Variants in TMEM132D observed in about 807,000 individuals in gnomAD.
TMEM132D encodes the protein transmembrane protein 132D.
A neutral mutation model predicts 62.3 loss-of-function variants in TMEM132D; 21 were observed. The observed-to-expected ratio is 0.34, with a 90% CI of 0.24 to 0.49. The LOEUF (loss-of-function observed/expected upper bound fraction) is 0.49, where lower values mean the gene tolerates loss of function less well. Ranked by LOEUF, TMEM132D falls within the 20% of genes least tolerant of loss-of-function variation. The probability of loss-of-function intolerance (pLI) is 0.99; values close to 1 mark genes in which losing one functional copy is unlikely to be tolerated. For missense variants in TMEM132D, 1,346 were observed against 1,402.8 expected (o/e 0.96, Z 0.65); for synonymous variants, 621 against 575.6 (o/e 1.08, Z -1.13).
At chr12:129,297,457 G>C (rs560554334) in intron 4 of TMEM132D, among the ~76,000 whole-genome samples, 3 of 152,306 alleles carry the variant, frequency 2.0e-5, no homozygotes, top group South Asian at 2.1e-4. Flanking sequence ...TTAAAAAATA[G>C]CTGAGAAAGC....
At chr12:129,446,428 T>C (rs1346210624) in intron 3 of TMEM132D, among the ~76,000 whole-genome samples, 2 of 152,214 alleles carry the variant, frequency 1.3e-5, no homozygotes, top group African/African-American at 4.8e-5. Flanking sequence ...CATTCAAAGA[T>C]ATTTATGGAG....
At chr12:129,221,534 A>G (rs1249980767) in intron 4 of TMEM132D, among the ~76,000 whole-genome samples, 1 of 152,180 alleles carries the variant, frequency 6.6e-6, no homozygotes, top group Non-Finnish European at 1.5e-5. Flanking sequence ...AATTTCCTCC[A>G]TAGGCTGGGT....
At chr12:129,367,220 G>C (rs748904502) in intron 3 of TMEM132D, among the ~76,000 whole-genome samples, 2 of 152,036 alleles carry the variant, frequency 1.3e-5, no homozygotes, top group African/African-American at 2.4e-5. Flanking sequence ...AGTGCTTATT[G>C]TTTGTGGGAT....
intron 3 of TMEM132D, among the ~76,000 whole-genome samples, chr12:129,446,812 T>C (rs917290337): frequency 2.6e-5 from 4 of 152,210 alleles, no homozygotes; most frequent in Non-Finnish European, 5.9e-5. Context: ...GCTGTGGTGG[T>C]GATTTCTTTA....
chr12:129,681,374 G>A (rs567214423), intron 2 of TMEM132D: 7 of 152,340 alleles, frequency 4.6e-5, no homozygotes, highest in African/African-American at 1.4e-4. Context: ...GGAGCTTGAC[G>A]GAGGTCACTT....
chr12:129,769,134 T>C (rs780025344), intron 1 of TMEM132D, among the ~76,000 whole-genome samples: 4 of 152,180 alleles, frequency 2.6e-5, no homozygotes, highest in Admixed American at 6.5e-5. Flanking sequence ...AGGGAAGGGA[T>C]GTACTCATTA....
At chr12:129,448,289 G>T (rs566471530) in intron 3 of TMEM132D, among the ~76,000 whole-genome samples, 1 of 152,084 alleles carries the variant, frequency 6.6e-6, no homozygotes. Flanking sequence ...CTCATGTCAC[G>T]GGGAGTTGTT....
intron 4 of TMEM132D, among the ~76,000 whole-genome samples, chr12:129,294,825 C>G (rs1269390101): frequency 6.6e-6 from 1 of 152,202 alleles, no homozygotes; most frequent in Admixed American, 6.5e-5. Flanking sequence ...TACTTTCCAT[C>G]TTTCAAAGTT....
At chr12:129,333,744 C>T (rs969498951) in intron 4 of TMEM132D, among the ~76,000 whole-genome samples, 14 of 152,186 alleles carry the variant, frequency 9.2e-5, no homozygotes, top group African/African-American at 3.1e-4. Flanking sequence ...CTTGGCAGAG[C>T]TCCTAGACTG....
intron 2 of TMEM132D, among the ~76,000 whole-genome samples, chr12:129,606,326 G>A (rs1318986774): frequency 1.3e-5 from 2 of 152,132 alleles, no homozygotes; most frequent in Admixed American, 6.5e-5. Flanking sequence ...AGGGCTTGGG[G>A]AAATTGACAA....
At chr12:129,543,359 TGGATGGATGGATGTAA>T (rs1241257636) in intron 2 of TMEM132D, among the ~76,000 whole-genome samples, 12 of 147,270 alleles carry the variant, frequency 8.1e-5, no homozygotes, top group Admixed American at 6.1e-4. Flanking sequence ...GATGAGTGGG[TGGATGGATGGATGTAA>T]GGATGGATGG....
At chr12:129,795,277 G>A (rs980670471) in intron 1 of TMEM132D, among the ~76,000 whole-genome samples, 1 of 152,128 alleles carries the variant, frequency 6.6e-6, no homozygotes, top group East Asian at 1.9e-4. Flanking sequence ...ATGGGATGCC[G>A]GCTCACGGAA....
At chr12:129,261,973 C>A (rs538044966) in intron 4 of TMEM132D, among the ~76,000 whole-genome samples, 3 of 152,026 alleles carry the variant, frequency 2.0e-5, no homozygotes, top group Admixed American at 2.0e-4. Flanking sequence ...AGGGATAAAT[C>A]GATGATTCAG....
intron 3 of TMEM132D, among the ~76,000 whole-genome samples, chr12:129,419,031 C>T (rs763618155): frequency 3.9e-5 from 6 of 152,158 alleles, no homozygotes; most frequent in Admixed American, 6.5e-5. Flanking sequence ...AGCAGGGCCC[C>T]GCTGACACCT....
chr12:129,558,159 G>T (rs1183010344), intron 2 of TMEM132D, among the ~76,000 whole-genome samples: 2 of 152,178 alleles, frequency 1.3e-5, no homozygotes, highest in African/African-American at 4.8e-5. Context: ...AATCCAGGCT[G>T]ATGGAACCCA....
intron 3 of TMEM132D, among the ~76,000 whole-genome samples, chr12:129,400,835 A>G (rs1871600601): frequency 6.6e-6 from 1 of 152,210 alleles, no homozygotes; most frequent in Non-Finnish European, 1.5e-5. Flanking sequence ...AAAGCAACCA[A>G]TATCTTGGTG....
At position 129,661,410 on chromosome 12, in the gene TMEM132D, T is replaced by C. The variant is rs139239977; in HGVS notation, c.968+38400A>G. On this transcript the variant is annotated intron_variant, in intron 2 of 8. Coordinates refer to ENST00000422113, the MANE Select transcript of TMEM132D (RefSeq NM_133448.3). Reference sequence around the variant, plus strand: ...CAGATCGCAAAACACATTTCAGAAATGGAAAAGGCAAAGGCAGAAAAGTTA... The same window carrying C: ...CAGATCGCAAAACACATTTCAGAAACGGAAAAGGCAAAGGCAGAAAAGTTA... Among the ~76,000 whole-genome samples, 1,420 of 152,260 alleles carry C rather than the reference T, an allele frequency of 9.3e-3. 24 individuals carry two copies. The highest frequency in any genetic ancestry group is 0.055 in the East Asian group (286 of 5,186).
chr12:129,350,639 C>G (rs980600872), intron 3 of TMEM132D, among the ~76,000 whole-genome samples: 1 of 152,212 alleles, frequency 6.6e-6, no homozygotes, highest in Admixed American at 6.5e-5. Flanking sequence ...ACTTCAGCCT[C>G]TCTGCATAAT....
At chr12:129,579,552 A>C (rs1235764724) in intron 2 of TMEM132D, among the ~76,000 whole-genome samples, 1 of 152,192 alleles carries the variant, frequency 6.6e-6, no homozygotes. Context: ...CTGGCAAACC[A>C]GTGGTGTAAA....
Sources: gnomAD v4.1 joint callset for allele counts (sites outside exome capture counted in the v4.1 genomes callset) on GRCh38, gnomAD v4.1.1 for gene constraint, MANE v1.5 for transcripts, NCBI Gene and HGNC (gene_info 2026-07-23, HGNC 2026-07-21) for gene names.